The following SORCS2 variants were observed in gnomAD, a reference collection of about 807,000 sequenced individuals.
SORCS2 encodes the protein VPS10 domain-containing receptor SorCS2.
In SORCS2, 100 loss-of-function variants were observed where a neutral mutation model predicts 141.6. The ratio of observed to expected loss-of-function variants is 0.71; its 90% CI spans 0.60 to 0.83. SORCS2 has a LOEUF of 0.83. Among genes scored for constraint, SORCS2 ranks in the 40% least tolerant of loss-of-function variants. The pLI, the probability that SORCS2 is intolerant of heterozygous loss-of-function variation, is 0.00. For missense variants in SORCS2, 1,646 were observed against 1,560.2 expected, an observed-to-expected ratio of 1.05 and a Z score of -0.93; for synonymous variants, 789 against 676.9, an observed-to-expected ratio of 1.17 and a Z score of -2.57.
intron 1 of SORCS2, among the ~76,000 whole-genome samples, chr4:7,389,945 C>T (rs1402437444): frequency 6.6e-6 from 1 of 152,152 alleles, no homozygotes; most frequent in Non-Finnish European, 1.5e-5. Context: ...GGATGCCTTG[C>T]CAGGGTAGCC....
intron 2 of SORCS2, among the ~76,000 whole-genome samples, chr4:7,462,994 A>G (rs1200107514): frequency 1.3e-5 from 2 of 150,918 alleles, no homozygotes; most frequent in Non-Finnish European, 2.9e-5. Flanking sequence ...TAGCCACCAC[A>G]CCTCCCTGGT....
chr4:7,488,115 A>C (rs557673404), intron 2 of SORCS2, among the ~76,000 whole-genome samples: 1 of 152,176 alleles, frequency 6.6e-6, no homozygotes, highest in African/African-American at 2.4e-5. Context: ...AATTAAGGCA[A>C]TCTTGGCAGC....
At chr4:7,584,585 GTC>G (rs1716405701) in intron 3 of SORCS2, among the ~76,000 whole-genome samples, 2 of 152,296 alleles carry the variant, frequency 1.3e-5, no homozygotes, top group African/African-American at 2.4e-5. Flanking sequence ...TGAGTGACGA[GTC>G]TCTCTACTAC....
chr4:7,473,238 C>T (rs114420646), intron 2 of SORCS2, among the ~76,000 whole-genome samples: 13 of 152,264 alleles, frequency 8.5e-5, no homozygotes, highest in Admixed American at 6.5e-5. Flanking sequence ...TGTAAGGGCT[C>T]GGGCTGCAGC....
intron 2 of SORCS2, among the ~76,000 whole-genome samples, chr4:7,401,226 G>C (rs2109126702): frequency 1.3e-5 from 2 of 152,074 alleles, no homozygotes; most frequent in South Asian, 4.2e-4. Context: ...TGGGTGGATG[G>C]ATGGATGGAT....
intron 2 of SORCS2, among the ~76,000 whole-genome samples, chr4:7,472,301 A>G (rs1008379101): frequency 6.6e-6 from 1 of 152,160 alleles, no homozygotes; most frequent in East Asian, 1.9e-4. Context: ...GGGATGATTC[A>G]GGGCAGGCTT....
In SORCS2 at chr4:7,311,765, G is replaced by A. The variant is rs144802764; in HGVS notation, c.481-84523G>A. On this transcript the variant is annotated intron_variant, in intron 1 of 26. Transcript: ENST00000507866. ...GCTTTTGTCATGGTTATAGTGTTTC[G>A]AGAATTTTGTATACATGCAGGATAT... Among the ~76,000 whole-genome samples, 271 of 152,234 alleles carry A rather than the reference G, an allele frequency of 1.8e-3. 1 individual carries two copies. Among genetic ancestry groups the A allele is most frequent in the African/African-American group, 5.7e-3 (237 of 41,552 alleles).
intron 2 of SORCS2, among the ~76,000 whole-genome samples, chr4:7,517,581 A>G (rs955328072): frequency 1.3e-5 from 2 of 152,242 alleles, no homozygotes; most frequent in African/African-American, 2.4e-5. Flanking sequence ...GCGAACTGGC[A>G]TACGAAAATG....
intron 2 of SORCS2, among the ~76,000 whole-genome samples, chr4:7,467,075 C>T (rs1729660671): frequency 6.6e-6 from 1 of 152,126 alleles, no homozygotes; most frequent in Non-Finnish European, 1.5e-5. Context: ...GTGGTTTTGT[C>T]TCAGCATCTA....
At chr4:7,717,677 A>T (rs912245720) in intron 17 of SORCS2, among the ~76,000 whole-genome samples, 2 of 152,156 alleles carry the variant, frequency 1.3e-5, no homozygotes, top group Non-Finnish European at 2.9e-5. Context: ...GTGAAATTGA[A>T]ACTGGCTGCT....
intron 2 of SORCS2, among the ~76,000 whole-genome samples, chr4:7,405,882 C>A (rs756410065): frequency 1.3e-5 from 2 of 152,006 alleles, no homozygotes; most frequent in African/African-American, 2.4e-5. Context: ...ATGTTGAATA[C>A]GAGTGGTGAA....
At chr4:7,661,448 G>T (rs1722158766) in intron 5 of SORCS2, 52 bp from the exon 6 acceptor site, 5 of 1,536,978 alleles carry the variant, frequency 3.3e-6, no homozygotes, top group East Asian at 4.9e-5. Flanking sequence ...GCAGCTGGGG[G>T]ACGGGCATGG....
At position 7,192,982 on chromosome 4, in the gene SORCS2, G is replaced by A; in HGVS notation, c.336G>A (p.Ala112=). The A allele has an allele frequency of 1.4e-6, 2 of 1,402,428 alleles. No homozygotes were observed. Among genetic ancestry groups the A allele is most frequent in the Non-Finnish European group, 1.8e-6 (2 of 1,087,414 alleles). The allele number at this position is 1,402,428 out of a possible 1,614,324, so 86.9% of individuals were successfully genotyped here. A position where few individuals can be genotyped will look rare whatever the true frequency, so the allele number is the denominator to read the frequency against. The change falls in exon 1 of 27, where the codon GCG becomes GCA. Residue 112 remains alanine (A), a synonymous_variant. Transcript: ENST00000507866. The surrounding 1 kb of genome is among the most constrained non-coding windows in gnomAD (Gnocchi z 4.0). The part of the protein sequence containing the change: ...PGPGEDGAPA[A]GYRRWERAAP... The stretch of plus-strand genomic sequence containing the variant: ...CCGGCGAGGACGGCGCCCCCGCCGC[G>A]GGCTACCGGCGCTGGGAGCGGGCGG...
intron 2 of SORCS2, among the ~76,000 whole-genome samples, chr4:7,416,581 CAG>C (rs1725691167): frequency 2.0e-5 from 3 of 152,156 alleles, no homozygotes; most frequent in African/African-American, 7.2e-5. Context: ...CACACACATG[CAG>C]ACACATGCTC....
chr4:7,657,682 G>A (rs1344565276), intron 5 of SORCS2, among the ~76,000 whole-genome samples: 1 of 151,890 alleles, frequency 6.6e-6, no homozygotes, highest in African/African-American at 2.4e-5. Flanking sequence ...GTGAATGAGT[G>A]ACTGAGTCTG....
Position 7,712,815 on chromosome 4 carries a change from G to A in SORCS2, c.1951G>A (p.Glu651Lys), listed in dbSNP as rs777217650. 39 of 1,613,850 alleles carry A rather than the reference G, an allele frequency of 2.4e-5. No individual in the cohort carries two copies. Among genetic ancestry groups the A allele is most frequent in the East Asian group, 2.2e-4 (10 of 44,888 alleles). ...GCCCTCATTCTCCAGGCAGTGCGGC[G>A]AGGAGGACTACAGCTCCTGGGAGCT... The part of the protein sequence containing the change: ...FRPSFSRQCG[E>K]EDYSSWELSN... Residue 651 changes from glutamate (E) to lysine (K), a missense_variant, in exon 15 of 27, where the codon GAG becomes AAG. Transcript: ENST00000507866.
At chr4:7,706,044 GC>G (rs1725414521) in intron 14 of SORCS2, among the ~76,000 whole-genome samples, 1 of 148,086 alleles carries the variant, frequency 6.8e-6, no homozygotes, top group Non-Finnish European at 1.5e-5. Flanking sequence ...CAGGGATGAG[GC>G]TGGGCTCCGC....
intron 2 of SORCS2, among the ~76,000 whole-genome samples, chr4:7,530,218 G>A (rs949102052): frequency 4.6e-5 from 7 of 152,228 alleles, no homozygotes; most frequent in African/African-American, 1.7e-4. Flanking sequence ...AGCAGCTCCA[G>A]GCCTGTCCCC....
chr4:7,440,299 G>T (rs899014343), intron 2 of SORCS2, among the ~76,000 whole-genome samples: 2 of 152,200 alleles, frequency 1.3e-5, no homozygotes, highest in South Asian at 2.1e-4. Flanking sequence ...CCAAATAATT[G>T]TTCTGGGGGG....
Sources: allele counts gnomAD v4.1 joint callset (sites outside exome capture counted in the v4.1 genomes callset), GRCh38; gene constraint gnomAD v4.1.1; non-coding constraint Gnocchi (gnomAD v3.1); transcripts MANE v1.5; gene names NCBI Gene and HGNC (gene_info 2026-07-23, HGNC 2026-07-21).